The following C9orf50 variants were observed in gnomAD, a reference collection of about 807,000 sequenced individuals.
C9orf50 encodes chromosome 9 open reading frame 50.
Under a neutral mutation model 42.5 loss-of-function variants are expected in C9orf50, and 33 were observed. The observed-to-expected ratio is 0.78, with a 90% confidence interval of 0.59 to 1.04. C9orf50 has a LOEUF of 1.04. Among genes scored for constraint, C9orf50 ranks in the 50% least tolerant of loss-of-function variants. C9orf50 has a pLI of 0.00. For synonymous variants in C9orf50, 257 were observed against 273.4 expected (o/e 0.94, Z 0.59); for missense variants, 547 against 594.3 (o/e 0.92, Z 0.83).
rs1830240111 is a variant in C9orf50, at chr9:129,614,322, C to T, written c.881-725G>A. Among the ~76,000 whole-genome samples the T allele has an allele frequency of 1.3e-5, 2 of 152,188 alleles. No homozygotes were observed. Among genetic ancestry groups the T allele is most frequent in the East Asian group, 1.9e-4 (1 of 5,196 alleles). On this transcript the variant is annotated intron_variant, in intron 4 of 6. Transcript: ENST00000372478. The surrounding 1 kb of genome is among the most constrained non-coding windows in gnomAD (Gnocchi z 4.4). ...TGGGCAAAAATCACAGCTTCTAACT[C>T]CAGCTTCCTGTCACGCTAAGGAGGC...
chr9:129,616,257 T>C (rs1830371887), intron 3 of C9orf50, among the ~76,000 whole-genome samples: 1 of 152,196 alleles, frequency 6.6e-6, no homozygotes, highest in South Asian at 2.1e-4. Context: ...GCTCTGTGGC[T>C]CAGGCTGGAG....
In C9orf50 at chr9:129,613,604, G is replaced by C. The variant is rs1432019632; in HGVS notation, c.881-7C>G. The C allele has an allele frequency of 6.2e-7, 1 of 1,614,080 alleles. No homozygotes were observed. The highest frequency in any genetic ancestry group is 1.3e-5 in the African/African-American group (1 of 75,056). ...ACAATGACGCTCTGTTGGACTGCAGGAAAGAGGGCAGGGTGAGATCTCTGC... is the reference window on the plus strand; with the variant it reads ...ACAATGACGCTCTGTTGGACTGCAGCAAAGAGGGCAGGGTGAGATCTCTGC... On this transcript the variant is annotated splice_polypyrimidine_tract_variant and splice_region_variant and intron_variant, in intron 4 of 6. Transcript: ENST00000372478. The surrounding 1 kb of genome is among the most constrained non-coding windows in gnomAD (Gnocchi z 6.2).
At chr9:129,615,333 G>C (rs2118863987) in intron 4 of C9orf50, 151 bp downstream of exon 4, 2 of 826,696 alleles carry the variant, frequency 2.4e-6, no homozygotes, top group East Asian at 6.1e-5. Context: ...ATCCTCCAAG[G>C]AGGCCAGTTC....
Position 129,620,555 on chromosome 9 carries a change from C to A in C9orf50, c.20G>T (p.Arg7Leu). 7.2e-7 allele frequency: 1 copy of A among 1,389,532 alleles called. No individual in the cohort carries two copies. The highest frequency in any genetic ancestry group is 2.7e-5 in the Admixed American group (1 of 36,438). The allele number at this position is 1,389,532 out of a possible 1,614,324, so 86.1% of individuals were successfully genotyped here. ...GGGCGCCAGGTCCTGGGCCCCTGGG[C>A]GAAGTCGACGCCAGAACATGCTTGG... The change falls in exon 1 of 7, where the codon CGC (arginine) becomes CTC (leucine). Residue 7 changes from arginine (R) to leucine (L), a missense_variant. Arg to Leu is a moderately radical substitution (Grantham distance 102). Around this residue, in one of 3 missense-constraint regions of C9orf50, gnomAD observed 105 missense variants for 98.5 expected, o/e 1.07. Coordinates refer to ENST00000372478, the Ensembl canonical transcript of C9orf50. This position sits in a 1 kb window ranked among gnomAD's most constrained non-coding sequence, Gnocchi z 5.8.
In C9orf50 at chr9:129,619,727, G is replaced by A. The variant is rs1455030535; in HGVS notation, c.599+13C>T. On this transcript the variant is annotated intron_variant, in intron 2 of 6. Transcript: ENST00000372478. The stretch of plus-strand genomic sequence containing the variant: ...GCAACCCCGTCCCCACCAAGAAGCG[G>A]ACTGACGCTTACCACAGGTCTGGGA... 6.2e-7 allele frequency: 1 copy of A among 1,613,780 alleles called. No individual in the cohort carries two copies. Among genetic ancestry groups the A allele is most frequent in the Admixed American group, 1.7e-5 (1 of 60,008 alleles).
Position 129,613,279 on chromosome 9 carries a change from C to T in C9orf50, c.1044-28G>A. ...GGGGGAGACAGGACCCCATGAGCTTCCTGGACTCTGAGTCCCCGGCCCACC... is the reference window on the plus strand; with the variant it reads ...GGGGGAGACAGGACCCCATGAGCTTTCTGGACTCTGAGTCCCCGGCCCACC... On this transcript the variant is annotated intron_variant, in intron 5 of 6. Transcript: ENST00000372478. The surrounding 1 kb of genome is among the most constrained non-coding windows in gnomAD (Gnocchi z 6.2). The T allele has an allele frequency of 1.3e-6, 2 of 1,582,322 alleles. No homozygotes were observed. The highest frequency in any genetic ancestry group is 1.7e-6 in the Non-Finnish European group (2 of 1,162,274).
In C9orf50 at chr9:129,613,136, A is replaced by C; in HGVS notation, c.1159T>G (p.Phe387Val). The change falls in exon 6 of 7, where the codon TTC becomes GTC. Residue 387 changes from phenylalanine (F) to valine (V), a missense_variant. Coordinates refer to ENST00000372478, the Ensembl canonical transcript of C9orf50. This position sits in a 1 kb window ranked among gnomAD's most constrained non-coding sequence, Gnocchi z 6.2. ...TCCAGGTTTCTGTGCGGGTCCAAGA[A>C]GGCTCGGAGGCTGCTTCGCGGCCTC... 3 of 1,613,912 alleles carry C rather than the reference A, an allele frequency of 1.9e-6. No individual in the cohort carries two copies. The highest frequency in any genetic ancestry group is 1.7e-6 in the Non-Finnish European group (2 of 1,180,018).
chr9:129,617,430 G>GAAC (rs1484856410), intron 3 of C9orf50, among the ~76,000 whole-genome samples: 3 of 152,190 alleles, frequency 2.0e-5, no homozygotes, highest in African/African-American at 7.2e-5. Context: ...CTTCACTCGA[G>GAAC]GGCCACTGGA....
intron 4 of C9orf50, 51 bp downstream of exon 4, chr9:129,615,433 T>A (rs768906452): frequency 1.3e-6 from 2 of 1,510,774 alleles, no homozygotes; most frequent in African/African-American, 2.8e-5. Flanking sequence ...CTCTCTGCCC[T>A]CCTGGCTAGA....
chr9:129,613,512 C>T lies in C9orf50; in HGVS notation c.966G>A (p.Glu322=). 6.2e-7 allele frequency: 1 copy of T among 1,614,210 alleles called. No individual in the cohort carries two copies. The highest frequency in any genetic ancestry group is 1.3e-5 in the African/African-American group (1 of 75,060). ...CAGGGTACAGGGCTTTGGGCAAACT[C>T]TCCAGCCGTTTTCCGACACTCCCAA... The change falls in exon 5 of 7, where the codon GAG becomes GAA. Residue 322 remains glutamate, a synonymous_variant. Coordinates refer to ENST00000372478, the Ensembl canonical transcript of C9orf50. This position sits in a 1 kb window ranked among gnomAD's most constrained non-coding sequence, Gnocchi z 6.2.
At chr9:129,618,868 GTTTTTTTTT>G (rs34259203) in intron 3 of C9orf50, among the ~76,000 whole-genome samples, 2 of 128,280 alleles carry the variant, frequency 1.6e-5, no homozygotes, top group Admixed American at 7.9e-5. Context: ...AATTTTTTGT[GTTTTTTTTT>G]TTTTTTTTGT....
At chr9:129,619,344 G>A (rs577639309) in intron 3 of C9orf50, among the ~76,000 whole-genome samples, 176 bp downstream of exon 3, 11 of 152,244 alleles carry the variant, frequency 7.2e-5, no homozygotes, top group Non-Finnish European at 8.8e-5. Context: ...ATGAACTGGC[G>A]AATGAATCTT....
intron 3 of C9orf50, among the ~76,000 whole-genome samples, chr9:129,617,794 C>T (rs1483249237): frequency 6.6e-6 from 1 of 152,130 alleles, no homozygotes; most frequent in East Asian, 1.9e-4. Context: ...AGCAATCCTC[C>T]CACCTCAGCC....
rs116286747 is a variant in C9orf50, at chr9:129,614,465, A to G, written c.881-868T>C. 1.0e-3 allele frequency among the ~76,000 whole-genome samples: 157 copies of G among 152,326 alleles called. No individual in the cohort carries two copies. Among genetic ancestry groups the G allele is most frequent in the African/African-American group, 3.7e-3 (153 of 41,576 alleles). ...CATAGTGGGTGCTCAATAAACAGCT[A>G]GAGGACATTGACTGTTGGGGACCCT... On this transcript the variant is annotated intron_variant, in intron 4 of 6. Coordinates refer to ENST00000372478, the Ensembl canonical transcript of C9orf50. The surrounding 1 kb of genome is among the most constrained non-coding windows in gnomAD (Gnocchi z 4.4).
chr9:129,621,135 G>A (rs1437272125), upstream of C9orf50, among the ~76,000 whole-genome samples: 2 of 152,342 alleles, frequency 1.3e-5, no homozygotes, highest in South Asian at 2.1e-4. Context: ...TGTTCAAAGC[G>A]TGGAACTGTT....
intron 6 of C9orf50, 94 bp from the exon 7 acceptor site, chr9:129,612,548 C>T: frequency 1.1e-6 from 1 of 923,256 alleles, no homozygotes; most frequent in Non-Finnish European, 1.7e-6. Context: ...CCCTGTTGGG[C>T]AGGTAGTGCT....
chr9:129,615,654 G>A lies in C9orf50; in HGVS notation c.717-7C>T. The A allele has an allele frequency of 1.3e-6, 2 of 1,537,068 alleles. No homozygotes were observed. Among genetic ancestry groups the A allele is most frequent in the Non-Finnish European group, 1.7e-6 (2 of 1,147,376 alleles). ...CTGTGCACCGTGGGGCCTGCTGAGA[G>A]AGGGGAGAGGGGCCTGTGCTCGAAG... On this transcript the variant is annotated splice_polypyrimidine_tract_variant and splice_region_variant and intron_variant, in intron 3 of 6. Coordinates refer to ENST00000372478, the Ensembl canonical transcript of C9orf50.
chr9:129,613,045 G>C lies in C9orf50; in HGVS notation c.1188+62C>G. 1 of 1,601,380 alleles carries C rather than the reference G, an allele frequency of 6.2e-7. No individual in the cohort carries two copies. The highest frequency in any genetic ancestry group is 1.1e-5 in the South Asian group (1 of 89,706). ...CACTCCACCAAACAGGGCTGCTCCC[G>C]GAGCCAGCTGCCAGCAGGGGCTCAC... On this transcript the variant is annotated intron_variant, in intron 6 of 6. Transcript: ENST00000372478. The surrounding 1 kb of genome is among the most constrained non-coding windows in gnomAD (Gnocchi z 6.2).
Position 129,614,551 on chromosome 9 carries a change from G to A in C9orf50, c.880+933C>T, listed in dbSNP as rs1027781183. On this transcript the variant is annotated intron_variant, in intron 4 of 6. Coordinates refer to ENST00000372478, the Ensembl canonical transcript of C9orf50. The surrounding 1 kb of genome is among the most constrained non-coding windows in gnomAD (Gnocchi z 4.4). ...CAGAAAAAGGTGGAGCTTAGTCAAG[G>A]TTATACCAGAGTAAGAACAGGGACT... Among the ~76,000 whole-genome samples, 4 of 152,306 alleles carry A rather than the reference G, an allele frequency of 2.6e-5. No individual in the cohort carries two copies. The highest frequency in any genetic ancestry group is 1.9e-4 in the East Asian group (1 of 5,194).
Sources: gnomAD v4.1 joint callset for allele counts (sites outside exome capture counted in the v4.1 genomes callset) on GRCh38, gnomAD v4.1.1 for gene constraint, gnomAD v4.1.1 regional missense constraint, Gnocchi (gnomAD v3.1) non-coding constraint, MANE v1.5 for transcripts, NCBI Gene and HGNC (gene_info 2026-07-23, HGNC 2026-07-21) for gene names.